DLG2: variants seen among roughly 807,000 people sequenced by gnomAD.
DLG2 encodes the protein disks large homolog 2.
DLG2 carries 45 observed loss-of-function variants against 132.5 expected under a neutral mutation model. The observed-to-expected ratio is 0.34, with a 90% CI of 0.27 to 0.44. The LOEUF is 0.44. Ranked by LOEUF, DLG2 falls within the 20% of genes least tolerant of loss-of-function variation. The probability of loss-of-function intolerance (pLI) is 1.00; values close to 1 mark genes in which losing one functional copy is unlikely to be tolerated. For synonymous variants in DLG2, 424 were observed against 419.6 expected, an observed-to-expected ratio of 1.01 and a Z score of -0.13; for missense variants, 1,045 against 1,196.9, an observed-to-expected ratio of 0.87 and a Z score of 1.87.
chr11:84,687,975 A>G (rs1477694901), intron 6 of DLG2, among the ~76,000 whole-genome samples: 1 of 152,202 alleles, frequency 6.6e-6, no homozygotes, highest in Non-Finnish European at 1.5e-5. Context: ...TCATAGAAGT[A>G]GCATTTGTCC....
At chr11:84,533,224 A>T (rs2154520543) in intron 7 of DLG2, among the ~76,000 whole-genome samples, 1 of 152,316 alleles carries the variant, frequency 6.6e-6, no homozygotes, top group Non-Finnish European at 1.5e-5. Context: ...CATTCCTGTC[A>T]GTTATGCACA....
intron 10 of DLG2, among the ~76,000 whole-genome samples, chr11:84,067,073 C>T (rs1383940252): frequency 6.6e-6 from 1 of 152,014 alleles, no homozygotes; most frequent in Non-Finnish European, 1.5e-5. Flanking sequence ...AACTTTCAGT[C>T]CCTGTAATCC....
intron 6 of DLG2, among the ~76,000 whole-genome samples, chr11:84,669,142 G>A (rs1164875524): frequency 1.3e-5 from 2 of 152,036 alleles, no homozygotes; most frequent in Non-Finnish European, 2.9e-5. Context: ...TGAGGCAAAG[G>A]GCAAGCATGT....
chr11:85,223,779 T>C (rs1413524438), intron 4 of DLG2, among the ~76,000 whole-genome samples: 4 of 152,176 alleles, frequency 2.6e-5, no homozygotes, highest in African/African-American at 7.2e-5. Context: ...CAAGTTTGGA[T>C]GTTTGGATTA....
chr11:84,104,840 A>T (rs1251823989), intron 9 of DLG2, among the ~76,000 whole-genome samples: 1 of 152,086 alleles, frequency 6.6e-6, no homozygotes, highest in Non-Finnish European at 1.5e-5. Flanking sequence ...ACTAACATTT[A>T]TTGCATGCTT....
At chr11:84,036,775 T>C (rs1449407026) in intron 11 of DLG2, among the ~76,000 whole-genome samples, 2 of 152,288 alleles carry the variant, frequency 1.3e-5, no homozygotes, top group East Asian at 3.9e-4. Context: ...TAACTAGCTA[T>C]GATTCCTCAC....
At chr11:84,455,073 A>T (rs1317541333) in intron 7 of DLG2, among the ~76,000 whole-genome samples, 1 of 151,448 alleles carries the variant, frequency 6.6e-6, no homozygotes, top group Non-Finnish European at 1.5e-5. Flanking sequence ...TTCATAATAA[A>T]GAAATATAAA....
At position 84,637,769 on chromosome 11, in the gene DLG2, G is replaced by A. The variant is rs549245303; in HGVS notation, c.358-103038C>T. On this transcript the variant is annotated intron_variant, in intron 6 of 27. Transcript: ENST00000376104. ...GATCTGATGTCTATGGCCTGAGATG[G>A]CTCTTAGTGTGGAGCTTTTGGTTTA... Among the ~76,000 whole-genome samples, 5 of 152,318 alleles carry A rather than the reference G, an allele frequency of 3.3e-5. No homozygotes were observed. In the South Asian group the frequency reaches 1.0e-3, roughly 32 times the overall value.
chr11:85,497,487 A>C (rs1454488669), intron 3 of DLG2, among the ~76,000 whole-genome samples: 2 of 152,196 alleles, frequency 1.3e-5, no homozygotes, highest in East Asian at 3.8e-4. Context: ...GAATGGAACC[A>C]AGTTAGAAAA....
intron 18 of DLG2, among the ~76,000 whole-genome samples, chr11:83,711,689 A>T (rs1225270002): frequency 6.6e-6 from 1 of 152,176 alleles, no homozygotes; most frequent in Non-Finnish European, 1.5e-5. Context: ...TGCAAGTATC[A>T]TGTCTAGACT....
chr11:84,337,538 A>G (rs925498677), intron 7 of DLG2, among the ~76,000 whole-genome samples: 1 of 152,072 alleles, frequency 6.6e-6, no homozygotes, highest in African/African-American at 2.4e-5. Context: ...TCTACTTCTT[A>G]TTTTTAATCT....
intron 6 of DLG2, among the ~76,000 whole-genome samples, chr11:85,104,675 T>C (rs948209858): frequency 6.6e-6 from 1 of 151,746 alleles, no homozygotes; most frequent in Non-Finnish European, 1.5e-5. Flanking sequence ...CTAACATTCA[T>C]TGAATTGTAT....
Position 83,818,153 on chromosome 11 carries a change from T to C in DLG2, c.1722+15461A>G, listed in dbSNP as rs185903330. On this transcript the variant is annotated intron_variant, in intron 17 of 27. Coordinates refer to ENST00000376104, the MANE Select transcript of DLG2 (RefSeq NM_001142699.3). The stretch of plus-strand genomic sequence containing the variant: ...GTTGCTCCTGGGAGCTATTTGCTTT[T>C]CCTAGCCTAGCCCAGTGCTTAAACT... Among the ~76,000 whole-genome samples, 246 of 152,288 alleles carry C rather than the reference T, an allele frequency of 1.6e-3. 1 individual carries two copies. The highest frequency in any genetic ancestry group is 0.01 in the Middle Eastern group (3 of 294).
At chr11:83,950,206 C>T (rs11233845) in intron 14 of DLG2, among the ~76,000 whole-genome samples, 15,305 of 152,188 alleles carry the variant, frequency 0.1, 850 homozygotes, top group Non-Finnish European at 0.12. Flanking sequence ...TATCAGTTAT[C>T]ACTATTACCA....
At chr11:84,393,140 G>A (rs899988325) in intron 7 of DLG2, among the ~76,000 whole-genome samples, 1 of 152,098 alleles carries the variant, frequency 6.6e-6, no homozygotes, top group African/African-American at 2.4e-5. Context: ...AATCACTGTA[G>A]TTAAGGAGGC....
intron 6 of DLG2, among the ~76,000 whole-genome samples, chr11:84,880,392 T>G (rs2087112305): frequency 6.6e-6 from 1 of 152,242 alleles, no homozygotes; most frequent in South Asian, 2.1e-4. Flanking sequence ...CAGAGCCCCT[T>G]CCTATGTCAG....
chr11:84,582,855 A>G (rs1258425619), intron 6 of DLG2, among the ~76,000 whole-genome samples: 1 of 152,196 alleles, frequency 6.6e-6, no homozygotes, highest in East Asian at 1.9e-4. Context: ...TAGACTGGAC[A>G]CAATCTTATC....
intron 5 of DLG2, among the ~76,000 whole-genome samples, chr11:85,149,011 T>C (rs1247172846): frequency 6.6e-6 from 1 of 152,226 alleles, no homozygotes. Flanking sequence ...ACGGAATCCT[T>C]TCCCCATTGC....
At chr11:84,267,112 T>A (rs2154361371) in intron 7 of DLG2, among the ~76,000 whole-genome samples, 1 of 152,308 alleles carries the variant, frequency 6.6e-6, no homozygotes, top group South Asian at 2.1e-4. Context: ...CTAGGTTCTT[T>A]CCTGGTCTTA....
Sources: allele counts gnomAD v4.1 joint callset (sites outside exome capture counted in the v4.1 genomes callset), GRCh38; gene constraint gnomAD v4.1.1; transcripts MANE v1.5; gene names NCBI Gene and HGNC (gene_info 2026-07-23, HGNC 2026-07-21).